The following COPA variants were observed in gnomAD, a reference collection of about 807,000 sequenced individuals.
The protein encoded by COPA is coatomer subunit alpha.
COPA carries 10 observed loss-of-function variants against 158.7 expected under a neutral mutation model. That is an observed-to-expected ratio of 0.06 (90% CI 0.04 to 0.11). COPA has a LOEUF of 0.11. Among genes scored for constraint, COPA ranks in the 10% least tolerant of loss-of-function variants. The probability of loss-of-function intolerance (pLI) is 1.00; values close to 1 mark genes in which losing one functional copy is unlikely to be tolerated. For synonymous variants in COPA, 462 were observed against 542.8 expected, an observed-to-expected ratio of 0.85 and a Z score of 2.07; for missense variants, 1,065 against 1,536.7, an observed-to-expected ratio of 0.69 and a Z score of 5.13.
chr1:160,290,546 G>A lies in COPA; in HGVS notation c.3561C>T (p.Leu1187=). ...YRGKPVEKCP[L]SGACYSPEFK... ...ACTCAGGGGAATAGCAGGCCCCACT[G>A]AGTGGACACTTTTCTACTGGCTTTC... Residue 1187 remains leucine (L), a synonymous_variant, in exon 32 of 33, where the codon CTC becomes CTT. Coordinates refer to ENST00000241704, the MANE Select transcript of COPA (RefSeq NM_004371.4). 1 of 1,614,234 alleles carries A rather than the reference G, an allele frequency of 6.2e-7. No homozygotes were observed. Among genetic ancestry groups the A allele is most frequent in the South Asian group, 1.1e-5 (1 of 91,084 alleles).
intron 28 of COPA, 74 bp downstream of exon 28, chr1:160,292,410 A>C: frequency 6.2e-7 from 1 of 1,604,048 alleles, no homozygotes; most frequent in Non-Finnish European, 8.5e-7. Context: ...AATTCTGACT[A>C]TGTCACTGAG....
At chr1:160,310,298 G>T in intron 11 of COPA, 40 bp from the exon 12 acceptor site, 2 of 1,338,870 alleles carry the variant, frequency 1.5e-6, no homozygotes, top group African/African-American at 3.0e-5. Context: ...CAGGGAAGAG[G>T]CATAAGAATA....
At chr1:160,303,171 C>T (rs111354068) in intron 17 of COPA, among the ~76,000 whole-genome samples, 303 of 152,176 alleles carry the variant, frequency 2.0e-3, no homozygotes, top group African/African-American at 7.0e-3. Flanking sequence ...TGTACTCCAG[C>T]CTGGGCAACA....
Position 160,295,719 on chromosome 1 carries a change from G to T in COPA, c.2476+17C>A. On this transcript the variant is annotated intron_variant, in intron 23 of 32. Coordinates refer to ENST00000241704, the MANE Select transcript of COPA (RefSeq NM_004371.4). ...AAAACAAACAACAAAAGTGCTATGG[G>T]AGAAATAGGTACTTACCTTTGCTGG... 1 of 1,587,088 alleles carries T rather than the reference G, an allele frequency of 6.3e-7. No homozygotes were observed. Among genetic ancestry groups the T allele is most frequent in the South Asian group, 1.2e-5 (1 of 86,032 alleles).
chr1:160,295,801 A>G lies in COPA; in HGVS notation c.2411T>C (p.Leu804Ser). Residue 804 changes from leucine (L) to serine (S), a missense_variant, in exon 23 of 33, where the codon TTG becomes TCG. Physicochemically the swap from Leu to Ser is moderately radical, Grantham distance 145 (BLOSUM62 -2). Transcript: ENST00000241704. ...AGTCAATAAAGGCCAATTGGTATCC[A>G]ATGGCATGATAGGTGCAGGTGGCTG... ...LLQPPAPIMP[L>S]DTNWPLLTVS... 6.2e-7 allele frequency: 1 copy of G among 1,613,734 alleles called. No homozygotes were observed. The highest frequency in any genetic ancestry group is 8.5e-7 in the Non-Finnish European group (1 of 1,179,908).
intron 5 of COPA, 69 bp downstream of exon 5, chr1:160,333,534 A>C: frequency 1.8e-6 from 2 of 1,113,342 alleles, no homozygotes; most frequent in South Asian, 2.7e-5. Flanking sequence ...AGATTGTTCT[A>C]AGAGAAGCTC....
rs943459539 is a variant in COPA at position 160,317,588 on chromosome 1, G to C, written c.707-3463C>G. On this transcript the variant is annotated intron_variant, in intron 8 of 32. Coordinates refer to ENST00000241704, the MANE Select transcript of COPA (RefSeq NM_004371.4). ...CAGGGCGTTCCAATGAATTCATTCA[G>C]GTTTCTCTTTGAGGGTCAGAGAATT... is the stretch of plus-strand genomic sequence containing the variant. 5.7e-6 allele frequency: 9 copies of C among 1,586,618 alleles called. No homozygotes were observed. In the African/African-American group the frequency reaches 1.2e-4, roughly 21 times the overall value.
intron 12 of COPA, 90 bp from the exon 13 acceptor site, chr1:160,309,266 T>C (rs1658888522): frequency 1.1e-6 from 1 of 927,250 alleles, no homozygotes; most frequent in South Asian, 1.4e-5. Flanking sequence ...AACAGTTCCA[T>C]TGCACAGACA....
chr1:160,306,016 T>G lies in COPA; in HGVS notation c.1443-243A>C, dbSNP rs538411441. The G allele has an allele frequency of 1.9e-3, 1,106 of 583,168 alleles. 32 individuals are homozygous for G. The South Asian group carries it at 0.022, about 12-fold the overall frequency. 36.1% of individuals were successfully genotyped at this position (583,168 alleles called of 1,614,324 possible). On this transcript the variant is annotated intron_variant, in intron 15 of 32. Transcript: ENST00000241704. Reference sequence around the variant, plus strand: ...CATTTCCTTGTATTATTAGGGAATCTGTGTATGTCTGTTTTCACCACTGGA... The same window carrying G: ...CATTTCCTTGTATTATTAGGGAATCGGTGTATGTCTGTTTTCACCACTGGA...
rs3827533 is a variant in COPA, at chr1:160,292,471, A to C, written c.2960+13T>G. On this transcript the variant is annotated intron_variant, in intron 28 of 32. Transcript: ENST00000241704. ...ACTTGGAACAGATGAAAGCAAAGAG[A>C]AAAGGGCCTTACCAGTTGCGATTAG... The C allele has an allele frequency of 4.1e-3, 6,626 of 1,613,152 alleles. 118 individuals carry two copies. In the African/African-American group the frequency reaches 0.041, roughly 10 times the overall value.
chr1:160,309,663 A>G (rs1658897986), intron 12 of COPA, among the ~76,000 whole-genome samples: 1 of 152,124 alleles, frequency 6.6e-6, no homozygotes, highest in African/African-American at 2.4e-5. Flanking sequence ...AGATTAGACA[A>G]TATAGTTATA....
At position 160,342,751 on chromosome 1, in the gene COPA, G is replaced by A. The variant is rs549895822; in HGVS notation, c.40+380C>T. ...TACTGACTCGGGTGCGAGTAACAGA[G>A]ATCGAGACTCAGTTCCCAGGGCCAC... On this transcript the variant is annotated intron_variant, in intron 1 of 32. Transcript: ENST00000241704. Among the ~76,000 whole-genome samples, 5 of 152,226 alleles carry A rather than the reference G, an allele frequency of 3.3e-5. No individual in the cohort carries two copies. In the East Asian group the frequency reaches 9.6e-4, roughly 29 times the overall value.
intron 1 of COPA, 106 bp downstream of exon 1, chr1:160,343,022 CCGT>C: frequency 2.3e-6 from 3 of 1,318,450 alleles, no homozygotes; most frequent in Non-Finnish European, 3.3e-6. Flanking sequence ...TCCTCCGGGT[CCGT>C]CTGGTGGGCC....
intron 5 of COPA, among the ~76,000 whole-genome samples, chr1:160,333,153 A>C (rs1483131844): frequency 6.6e-6 from 1 of 152,152 alleles, no homozygotes; most frequent in Non-Finnish European, 1.5e-5. Context: ...CGAACTTCTA[A>C]CCTCAGGTGA....
chr1:160,298,565 A>C (rs1658491194), intron 19 of COPA, among the ~76,000 whole-genome samples: 1 of 152,240 alleles, frequency 6.6e-6, no homozygotes, highest in Non-Finnish European at 1.5e-5. Context: ...GGAAATAATA[A>C]GATTTTCAAA....
intron 8 of COPA, among the ~76,000 whole-genome samples, chr1:160,320,276 A>G (rs1184802007): frequency 1.3e-5 from 2 of 152,154 alleles, no homozygotes; most frequent in Non-Finnish European, 2.9e-5. Flanking sequence ...GAAAACTTAC[A>G]AGAAATGGAT....
At chr1:160,309,643 AAAG>A (rs957205116) in intron 12 of COPA, among the ~76,000 whole-genome samples, 5 of 152,142 alleles carry the variant, frequency 3.3e-5, no homozygotes, top group African/African-American at 9.7e-5. Flanking sequence ...ACTAGATATT[AAAG>A]AAGAACAGAT....
Position 160,297,365 on chromosome 1 carries a change from C to G in COPA, c.2241G>C (p.Arg747=), listed in dbSNP as rs916269758. ...TACTCTGTCCACAGTTCTTCAGGAT[C>G]CGCACACGCTCTGACACATCACCCA... ...LYLGDVSERV[R]ILKNCGQKSL... The change falls in exon 21 of 33, where the codon CGG becomes CGC. Residue 747 remains arginine, a synonymous_variant. Transcript: ENST00000241704. The G allele has an allele frequency of 2.5e-6, 4 of 1,614,054 alleles. No homozygotes were observed. In the African/African-American group the frequency reaches 5.3e-5, roughly 22 times the overall value.
intron 10 of COPA, 115 bp downstream of exon 10, chr1:160,312,970 T>A: frequency 1.1e-6 from 1 of 889,008 alleles, no homozygotes; most frequent in Non-Finnish European, 1.7e-6. Flanking sequence ...GCTCTGAGAG[T>A]CCTTCTTCTT....
Sources: allele counts gnomAD v4.1 joint callset (sites outside exome capture counted in the v4.1 genomes callset), GRCh38; gene constraint gnomAD v4.1.1; transcripts MANE v1.5; gene names NCBI Gene and HGNC (gene_info 2026-07-23, HGNC 2026-07-21).